LRP2: variants seen among roughly 807,000 people sequenced by gnomAD.
LRP2 encodes the protein LDL receptor related protein 2, also known as low-density lipoprotein receptor-related protein 2.
LRP2 carries 172 observed loss-of-function variants against 531.0 expected under a neutral mutation model. That is an observed-to-expected ratio of 0.32 (90% CI 0.29 to 0.37). LRP2 has a LOEUF of 0.37. Ranked by LOEUF, LRP2 falls within the 10% of genes least tolerant of loss-of-function variation. LRP2 has a pLI of 1.00. For missense variants in LRP2, 5,167 were observed against 5,868.3 expected, an observed-to-expected ratio of 0.88 and a Z score of 3.90; for synonymous variants, 1,992 against 2,027.6, an observed-to-expected ratio of 0.98 and a Z score of 0.47.
intron 50 of LRP2, among the ~76,000 whole-genome samples, chr2:169,185,242 G>A (rs966619843): frequency 6.6e-6 from 1 of 152,136 alleles, no homozygotes; most frequent in Non-Finnish European, 1.5e-5. Flanking sequence ...CCAGTTAAGT[G>A]AATGGCCAGC....
intron 19 of LRP2, among the ~76,000 whole-genome samples, chr2:169,254,267 G>T (rs1690206817): frequency 1.3e-5 from 1 of 77,316 alleles, no homozygotes; most frequent in Non-Finnish European, 2.3e-5. Flanking sequence ...TGATAGACTG[G>T]ATTAAGAAAA....
intron 63 of LRP2, among the ~76,000 whole-genome samples, chr2:169,162,062 C>A (rs924209188): frequency 6.6e-6 from 1 of 152,138 alleles, no homozygotes; most frequent in Non-Finnish European, 1.5e-5. Context: ...CCATAATGTG[C>A]AGACTAATAA....
chr2:169,164,955 G>A (rs1686729941), intron 62 of LRP2, among the ~76,000 whole-genome samples: 1 of 152,060 alleles, frequency 6.6e-6, no homozygotes, highest in Non-Finnish European at 1.5e-5. Context: ...TTTATTTCTG[G>A]GCTTTCATGC....
At chr2:169,235,074 C>A (rs1294462575) in intron 29 of LRP2, among the ~76,000 whole-genome samples, 2 of 151,690 alleles carry the variant, frequency 1.3e-5, no homozygotes, top group Non-Finnish European at 2.9e-5. Flanking sequence ...CCATGCCCAG[C>A]TAATTTTTGT....
At chr2:169,262,978 A>G (rs552406402) in intron 16 of LRP2, among the ~76,000 whole-genome samples, 1 of 152,248 alleles carries the variant, frequency 6.6e-6, no homozygotes, top group South Asian at 2.1e-4. Context: ...CAAACCTGAG[A>G]AAAAAAGCAA....
At chr2:169,212,292 T>A (rs1574138925) in intron 36 of LRP2, 85 bp from the exon 37 acceptor site, 1 of 1,547,662 alleles carries the variant, frequency 6.5e-7, no homozygotes, top group Admixed American at 1.7e-5. Context: ...GGTCACCAAA[T>A]AATTTATTCT....
At chr2:169,201,962 G>A in intron 43 of LRP2, 92 bp from the exon 44 acceptor site, 1 of 1,524,896 alleles carries the variant, frequency 6.6e-7, no homozygotes, top group East Asian at 2.4e-5. Flanking sequence ...GAGACACTTT[G>A]AATTTACCTT....
chr2:169,151,375 C>T (rs922073632), intron 67 of LRP2, among the ~76,000 whole-genome samples: 4 of 152,140 alleles, frequency 2.6e-5, no homozygotes, highest in Non-Finnish European at 4.4e-5. Context: ...GTGGATTGCT[C>T]GTCCCCAAGA....
In LRP2 at chr2:169,362,381, C is replaced by G; in HGVS notation, c.19G>C (p.Ala7Pro). Residue 7 changes from alanine to proline, a missense_variant, in exon 1 of 79, where the codon GCA becomes CCA. Coordinates refer to ENST00000649046, the MANE Select transcript of LRP2 (RefSeq NM_004525.3). The part of the protein sequence containing the change: MDRGPA[A>P]VACTLLLALV... ...GCCAGGAGCAGCGTGCACGCCACTG[C>G]TGCCGGCCCGCGATCCATCTCCGCG... The G allele has an allele frequency of 6.4e-7, 1 of 1,567,028 alleles. No homozygotes were observed. Among genetic ancestry groups the G allele is most frequent in the South Asian group, 1.2e-5 (1 of 85,232 alleles).
At chr2:169,340,394 G>C (rs916610866) in intron 1 of LRP2, among the ~76,000 whole-genome samples, 2 of 152,140 alleles carry the variant, frequency 1.3e-5, no homozygotes, top group African/African-American at 4.8e-5. Flanking sequence ...CTCAGTAATA[G>C]AACCCAGTGT....
At chr2:169,236,895 C>A (rs1689625723) in intron 28 of LRP2, among the ~76,000 whole-genome samples, 1 of 152,062 alleles carries the variant, frequency 6.6e-6, no homozygotes, top group Non-Finnish European at 1.5e-5. Flanking sequence ...ATAAAGTAAA[C>A]AATCAATTGC....
chr2:169,343,731 T>G (rs145423313), intron 1 of LRP2, among the ~76,000 whole-genome samples: 1 of 152,164 alleles, frequency 6.6e-6, no homozygotes, highest in African/African-American at 2.4e-5. Context: ...AGGTTAACTA[T>G]GTCCAGGGAA....
chr2:169,172,595 A>T (rs1417726654), intron 57 of LRP2, among the ~76,000 whole-genome samples: 1 of 152,204 alleles, frequency 6.6e-6, no homozygotes, highest in Non-Finnish European at 1.5e-5. Context: ...CCATTAATTT[A>T]TCTGGCTTTC....
chr2:169,235,344 A>G (rs555860814), intron 29 of LRP2, among the ~76,000 whole-genome samples: 26 of 151,800 alleles, frequency 1.7e-4, no homozygotes, highest in African/African-American at 6.0e-4. Flanking sequence ...GGTTCAAGCA[A>G]TTTTCCTGTC....
At chr2:169,136,317 C>A (rs869155088) in intron 76 of LRP2, among the ~76,000 whole-genome samples, 2 of 151,920 alleles carry the variant, frequency 1.3e-5, no homozygotes, top group South Asian at 2.1e-4. Context: ...GCCACCCCCC[C>A]AAAAATTTTT....
At chr2:169,324,854 A>G (rs1418688367) in intron 1 of LRP2, among the ~76,000 whole-genome samples, 1 of 152,160 alleles carries the variant, frequency 6.6e-6, no homozygotes, top group East Asian at 1.9e-4. Flanking sequence ...CCGGGTGCTT[A>G]TGGAATAGCT....
rs746032806 is a variant in LRP2, at chr2:169,270,960, A to G, written c.2264T>C (p.Ile755Thr). The G allele has an allele frequency of 2.5e-6, 4 of 1,613,356 alleles. No individual in the cohort carries two copies. Among genetic ancestry groups the G allele is most frequent in the Non-Finnish European group, 3.4e-6 (4 of 1,179,668 alleles). ...GIDFDAQDST[I>T]FFSDMSKHMI... ...GTGTTTTGACATATCTGAAAAAAAGATAGTGCTGTCCTGGGCGTCAAAATC... is the reference window on the plus strand; with the variant it reads ...GTGTTTTGACATATCTGAAAAAAAGGTAGTGCTGTCCTGGGCGTCAAAATC... Residue 755 changes from isoleucine (I) to threonine (T), a missense_variant, in exon 16 of 79, where the codon ATC (isoleucine) becomes ACC (threonine). By Grantham distance (89) the Ile-to-Thr change is moderately conservative. Transcript: ENST00000649046.
Position 169,242,972 on chromosome 2 carries a change from C to T in LRP2, c.3651G>A (p.Ser1217=), listed in dbSNP as rs202051603. 20 of 1,613,672 alleles carry T rather than the reference C, an allele frequency of 1.2e-5. No individual in the cohort carries two copies. In the African/African-American group the frequency reaches 1.9e-4, roughly 15 times the overall value. The change falls in exon 24 of 79, where the codon TCG becomes TCA. Residue 1217 remains serine, a synonymous_variant. Coordinates refer to ENST00000649046, the MANE Select transcript of LRP2 (RefSeq NM_004525.3). ...CDGVFDCSDN[S]DEAGCPTRPP... is the part of the protein sequence containing the mutation. ...GTTACTTACGACAGCCTGCTTCATC[C>T]GAGTTGTCACTGCAATCAAAAACAC...
chr2:169,228,525 A>T (rs1256026273), intron 31 of LRP2, among the ~76,000 whole-genome samples: 2 of 152,118 alleles, frequency 1.3e-5, no homozygotes, highest in African/African-American at 2.4e-5. Context: ...CCTTTGCTTA[A>T]TTGGAATAAT....
Sources: gnomAD v4.1 joint callset for allele counts (sites outside exome capture counted in the v4.1 genomes callset) on GRCh38, gnomAD v4.1.1 for gene constraint, MANE v1.5 for transcripts, NCBI Gene and HGNC (gene_info 2026-07-23, HGNC 2026-07-21) for gene names.